Variants in DISC1 observed in about 807,000 individuals in gnomAD.
DISC1 encodes disrupted in schizophrenia 1 protein.
A neutral mutation model predicts 84.5 loss-of-function variants in DISC1; 57 were observed. The observed-to-expected ratio is 0.67, with a 90% CI of 0.55 to 0.84. DISC1 has a LOEUF of 0.84. DISC1 is among the 40% of genes least tolerant of loss of function. DISC1 has a pLI of 0.00. For missense variants in DISC1, 1,000 were observed against 1,057.8 expected, an observed-to-expected ratio of 0.95 and a Z score of 0.76; for synonymous variants, 411 against 415.2, an observed-to-expected ratio of 0.99 and a Z score of 0.12.
At chr1:231,711,742 T>C (rs944659317) in intron 3 of DISC1, among the ~76,000 whole-genome samples, 1 of 152,180 alleles carries the variant, frequency 6.6e-6, no homozygotes, top group African/African-American at 2.4e-5. Context: ...TGATCTGGTG[T>C]GACCAGAGGT....
intron 8 of DISC1, among the ~76,000 whole-genome samples, chr1:231,817,726 C>T (rs2081167112): frequency 6.6e-6 from 1 of 151,998 alleles, no homozygotes; most frequent in Non-Finnish European, 1.5e-5. Flanking sequence ...GTACATTGAC[C>T]TTGTATCCTG....
At chr1:231,878,235 C>T (rs1426202883) in intron 9 of DISC1, among the ~76,000 whole-genome samples, 1 of 152,112 alleles carries the variant, frequency 6.6e-6, no homozygotes, top group African/African-American at 2.4e-5. Context: ...AACAAAGACA[C>T]AGACAGGCAA....
chr1:231,980,916 A>G (rs1433369309), intron 10 of DISC1, among the ~76,000 whole-genome samples: 1 of 152,228 alleles, frequency 6.6e-6, no homozygotes, highest in Non-Finnish European at 1.5e-5. Flanking sequence ...CAAAGTACAA[A>G]AGATGAAGAT....
intron 9 of DISC1, among the ~76,000 whole-genome samples, chr1:231,846,727 G>A (rs2083472563): frequency 1.3e-5 from 2 of 152,206 alleles, no homozygotes; most frequent in African/African-American, 4.8e-5. Context: ...ACTGAAACCA[G>A]AAGAAACAGC....
intron 7 of DISC1, among the ~76,000 whole-genome samples, chr1:231,799,196 T>C (rs2078993320): frequency 6.6e-6 from 1 of 152,184 alleles, no homozygotes; most frequent in African/African-American, 2.4e-5. Flanking sequence ...GTTTGGAATG[T>C]CATGGGAAAA....
At chr1:231,959,503 T>C (rs926345357) in intron 10 of DISC1, 26 of 985,148 alleles carry the variant, frequency 2.6e-5, no homozygotes, top group Non-Finnish European at 2.9e-5. Flanking sequence ...GAATATGCGC[T>C]TTCTTCCCTG....
chr1:231,674,357 T>C (rs532771199), intron 1 of DISC1, among the ~76,000 whole-genome samples: 16 of 152,288 alleles, frequency 1.1e-4, no homozygotes, highest in African/African-American at 3.9e-4. Context: ...AATTGAATAA[T>C]GTGGGCAGTC....
intron 9 of DISC1, among the ~76,000 whole-genome samples, chr1:231,933,797 G>T (rs147640627): frequency 6.6e-6 from 1 of 152,274 alleles, no homozygotes; most frequent in East Asian, 1.9e-4. Flanking sequence ...CCGAAAGTTT[G>T]GGGGCAAAAT....
intron 8 of DISC1, among the ~76,000 whole-genome samples, chr1:231,813,619 C>T (rs2080565562): frequency 6.6e-6 from 1 of 152,210 alleles, no homozygotes; most frequent in Non-Finnish European, 1.5e-5. Flanking sequence ...AGTCTGCTCT[C>T]CTGTGGACTT....
chr1:232,000,395 C>A (rs963698633), intron 10 of DISC1, among the ~76,000 whole-genome samples: 1 of 151,820 alleles, frequency 6.6e-6, no homozygotes, highest in African/African-American at 2.4e-5. Context: ...TAGAATTTAC[C>A]CAATCTGAAC....
intron 9 of DISC1, among the ~76,000 whole-genome samples, chr1:231,871,336 C>G (rs1421659576): frequency 6.6e-6 from 1 of 152,146 alleles, no homozygotes; most frequent in Non-Finnish European, 1.5e-5. Flanking sequence ...GGGAAGGGGA[C>G]CCACTCTGGG....
chr1:231,803,593 T>C (rs562348952), intron 8 of DISC1, among the ~76,000 whole-genome samples: 2 of 152,244 alleles, frequency 1.3e-5, no homozygotes, highest in African/African-American at 4.8e-5. Flanking sequence ...CTAGGACCTC[T>C]TGCAACATAG....
chr1:231,799,690 G>A (rs2079035073), intron 7 of DISC1, among the ~76,000 whole-genome samples: 1 of 151,662 alleles, frequency 6.6e-6, no homozygotes, highest in Non-Finnish European at 1.5e-5. Context: ...GGAGGCAGGA[G>A]TGATGCAATT....
chr1:231,886,067 G>T (rs1263587202), intron 9 of DISC1, among the ~76,000 whole-genome samples: 1 of 152,132 alleles, frequency 6.6e-6, no homozygotes, highest in Non-Finnish European at 1.5e-5. Context: ...AGCAAGCAAG[G>T]GGGGGCCAAG....
At chr1:231,909,442 T>A (rs2088987089) in intron 9 of DISC1, among the ~76,000 whole-genome samples, 1 of 152,220 alleles carries the variant, frequency 6.6e-6, no homozygotes, top group South Asian at 2.1e-4. Context: ...GTGGTTTTTC[T>A]CTTTGGTTCT....
At chr1:231,980,609 A>T (rs1663452906) in intron 10 of DISC1, among the ~76,000 whole-genome samples, 1 of 152,238 alleles carries the variant, frequency 6.6e-6, no homozygotes, top group Admixed American at 6.5e-5. Context: ...CATGGTTTTA[A>T]TAGTAATTGA....
intron 9 of DISC1, chr1:231,855,021 A>G (rs910447312): frequency 1.3e-5 from 14 of 1,049,072 alleles, no homozygotes; most frequent in Non-Finnish European, 1.5e-5. Flanking sequence ...TGGCCCCTAC[A>G]ATAATTCTTT....
At chr1:231,894,521 C>G (rs1461113774) in intron 9 of DISC1, among the ~76,000 whole-genome samples, 1 of 150,090 alleles carries the variant, frequency 6.7e-6, no homozygotes, top group Non-Finnish European at 1.5e-5. Flanking sequence ...TTTTCTATTT[C>G]TTGTTTAATA....
chr1:231,751,297 G>A (rs1336820057), intron 4 of DISC1, among the ~76,000 whole-genome samples: 1 of 152,114 alleles, frequency 6.6e-6, no homozygotes, highest in Non-Finnish European at 1.5e-5. Flanking sequence ...ATTTTAGCAT[G>A]TAAAAATAGG....
Sources: gnomAD v4.1 joint callset for allele counts (sites outside exome capture counted in the v4.1 genomes callset) on GRCh38, gnomAD v4.1.1 for gene constraint, MANE v1.5 for transcripts, NCBI Gene and HGNC (gene_info 2026-07-23, HGNC 2026-07-21) for gene names.